The following ZNF215 variants were observed in gnomAD, a reference collection of about 807,000 sequenced individuals.
The protein encoded by ZNF215 is BWSCR2-associated zinc finger protein 2.
In ZNF215, 24 loss-of-function variants were observed where a neutral mutation model predicts 27.2. The observed-to-expected ratio is 0.88, with a 90% CI of 0.64 to 1.24. ZNF215 has a LOEUF of 1.24. Ranked by LOEUF, ZNF215 falls within the 50% of genes most tolerant of loss-of-function variation. The pLI, the probability that ZNF215 is intolerant of heterozygous loss-of-function variation, is 0.00. For missense variants in ZNF215, 675 were observed against 605.7 expected, an observed-to-expected ratio of 1.11 and a Z score of -1.20; for synonymous variants, 210 against 204.0, an observed-to-expected ratio of 1.03 and a Z score of -0.25.
downstream of ZNF215, chr11:6,988,298 G>T (rs1249541567): frequency 1.4e-5 from 14 of 970,546 alleles, no homozygotes; most frequent in Non-Finnish European, 1.3e-5. Flanking sequence ...CCTGACCAAA[G>T]AAATCAATCA....
At chr11:6,982,613 C>T (rs1374505014) in intron 5 of ZNF215, among the ~76,000 whole-genome samples, 5 of 152,134 alleles carry the variant, frequency 3.3e-5, no homozygotes, top group African/African-American at 7.2e-5. Context: ...TCACTCAAAA[C>T]CACTCAACTA....
At chr11:6,988,193 T>C, downstream of ZNF215, 11 of 985,382 alleles carry the variant, frequency 1.1e-5, no homozygotes, top group Non-Finnish European at 1.3e-5. Flanking sequence ...CCATGACTTA[T>C]ACCTTCTTCC....
intron 5 of ZNF215, among the ~76,000 whole-genome samples, chr11:6,965,615 G>A (rs1850602788): frequency 1.3e-5 from 2 of 152,062 alleles, no homozygotes; most frequent in African/African-American, 4.8e-5. Flanking sequence ...TCAGCATACA[G>A]ATCTTACAAA....
At chr11:6,948,857 T>C (rs1301437965) in intron 6 of ZNF215, among the ~76,000 whole-genome samples, 1 of 151,178 alleles carries the variant, frequency 6.6e-6, no homozygotes, top group East Asian at 1.9e-4. Context: ...CATTAACTCG[T>C]CATTTAGCAT....
intron 5 of ZNF215, among the ~76,000 whole-genome samples, chr11:6,963,946 T>C (rs1850565810): frequency 6.6e-6 from 1 of 152,076 alleles, no homozygotes; most frequent in African/African-American, 2.4e-5. Flanking sequence ...CAGAAACAAA[T>C]GCTGTTAATC....
intron 4 of ZNF215, 88 bp from the exon 5 acceptor site, chr11:6,942,995 C>G: frequency 6.5e-7 from 1 of 1,529,106 alleles, no homozygotes; most frequent in Non-Finnish European, 8.8e-7. Context: ...TGTATTCTGG[C>G]TCCTACCCTA....
chr11:6,954,236 C>T (rs577598832), intron 6 of ZNF215, among the ~76,000 whole-genome samples: 11 of 152,264 alleles, frequency 7.2e-5, no homozygotes, highest in Middle Eastern at 3.4e-3. Flanking sequence ...TCTCCAGCTG[C>T]GTGCTGGGAG....
chr11:6,958,010 T>C lies in ZNF215; in HGVS notation c.*1479T>C, dbSNP rs1368482917. 3.0e-6 allele frequency: 3 copies of C among 985,318 alleles called. No individual in the cohort carries two copies. The highest frequency in any genetic ancestry group is 5.2e-4 in the Middle Eastern group (1 of 1,936). The allele number at this position is 985,318 out of a possible 1,614,324, so 61.0% of individuals were successfully genotyped here. A position where few individuals can be genotyped will look rare whatever the true frequency, so the allele number is the denominator to read the frequency against. On this transcript the variant is annotated 3_prime_UTR_variant, in exon 7 of 7. Transcript: ENST00000278319. ...TTATTCAAAGGCAGAAAAGGTATAC[T>C]GGAGTGAACTCCTATGATTAAATAA...
chr11:6,974,195 A>G (rs1490458178), intron 5 of ZNF215, among the ~76,000 whole-genome samples: 3 of 152,124 alleles, frequency 2.0e-5, no homozygotes, highest in African/African-American at 7.2e-5. Flanking sequence ...GTCAAAGATC[A>G]GATGGTTGTA....
Position 6,956,734 on chromosome 11 carries a change from A to T in ZNF215, c.*203A>T. Reference sequence around the variant, plus strand: ...AAGGAATTTTCCTGGTTTTCAGATGAAGCCATAAGGCTTTGGAGTTAAACC... The same window carrying T: ...AAGGAATTTTCCTGGTTTTCAGATGTAGCCATAAGGCTTTGGAGTTAAACC... On this transcript the variant is annotated 3_prime_UTR_variant, in exon 7 of 7. Coordinates refer to ENST00000278319, the MANE Select transcript of ZNF215 (RefSeq NM_013250.4). The T allele has an allele frequency of 7.3e-7, 1 of 1,370,712 alleles. No homozygotes were observed. The highest frequency in any genetic ancestry group is 9.4e-7 in the Non-Finnish European group (1 of 1,068,852). 84.9% of individuals were successfully genotyped at this position (1,370,712 alleles called of 1,614,324 possible). A position where few individuals can be genotyped will look rare whatever the true frequency, so the allele number is the denominator to read the frequency against.
At position 6,955,932 on chromosome 11, in the gene ZNF215, T is replaced by G. The variant is rs768989009; in HGVS notation, c.955T>G (p.Cys319Gly). 6.2e-7 allele frequency: 1 copy of G among 1,612,370 alleles called. No individual in the cohort carries two copies. The highest frequency in any genetic ancestry group is 8.5e-7 in the Non-Finnish European group (1 of 1,179,568). The change falls in exon 7 of 7, where the codon TGT (cysteine) becomes GGT (glycine). Residue 319 changes from cysteine (C) to glycine (G), a missense_variant. By Grantham distance (159) the Cys-to-Gly change is radical (BLOSUM62 -3). Coordinates refer to ENST00000278319, the MANE Select transcript of ZNF215 (RefSeq NM_013250.4). ...SFDINSVSSI[C>G]AIQVGIPSRK... ...TGATATTAATTCAGTTAGCTCAATT[T>G]GTGCTATACAAGTGGGAATTCCTTC... is the stretch of plus-strand genomic sequence containing the variant.
intron 6 of ZNF215, among the ~76,000 whole-genome samples, chr11:6,948,067 C>T (rs1452941633): frequency 6.6e-6 from 1 of 152,136 alleles, no homozygotes; most frequent in African/African-American, 2.4e-5. Flanking sequence ...ATTCTGTTGG[C>T]TTAGCAATCA....
intron 6 of ZNF215, among the ~76,000 whole-genome samples, chr11:6,949,583 GT>G (rs1331829717): frequency 6.7e-6 from 1 of 150,004 alleles, no homozygotes; most frequent in Non-Finnish European, 1.5e-5. Flanking sequence ...GGCGTTGTTT[GT>G]TTTTTTCTTG....
chr11:6,932,400 ACT>A lies in ZNF215; in HGVS notation c.131_132del (p.Ser44Ter). 4 of 1,613,904 alleles carry A rather than the reference ACT, an allele frequency of 2.5e-6. No individual in the cohort carries two copies. The highest frequency in any genetic ancestry group is 3.4e-6 in the Non-Finnish European group (4 of 1,179,988). On this transcript the variant is annotated frameshift_variant, in exon 3 of 7. Transcript: ENST00000278319. LOFTEE classifies it high-confidence loss of function. ...ACCAACCCCGTCGTGGAGACACATGACTCTGAGGCATCTCGTCAAAAGTTCAG... is the reference window on the plus strand; with the variant it reads ...ACCAACCCCGTCGTGGAGACACATGACTGAGGCATCTCGTCAAAAGTTCAG...
At chr11:6,983,211 G>T (rs560323109) in intron 5 of ZNF215, among the ~76,000 whole-genome samples, 1 of 152,288 alleles carries the variant, frequency 6.6e-6, no homozygotes, top group South Asian at 2.1e-4. Flanking sequence ...AAATCAGGAA[G>T]AAGTTGACTC....
intron 3 of ZNF215, among the ~76,000 whole-genome samples, chr11:6,939,091 T>C (rs1221573581): frequency 6.6e-6 from 1 of 152,200 alleles, no homozygotes; most frequent in Non-Finnish European, 1.5e-5. Context: ...GCTATTGATT[T>C]ATCCAATTTT....
At chr11:6,934,285 T>C (rs1224795771) in intron 3 of ZNF215, among the ~76,000 whole-genome samples, 3 of 152,234 alleles carry the variant, frequency 2.0e-5, no homozygotes, top group South Asian at 4.1e-4. Flanking sequence ...AGATGAATTT[T>C]AAAAATAATT....
intron 3 of ZNF215, among the ~76,000 whole-genome samples, chr11:6,938,597 C>T (rs968104971): frequency 4.5e-4 from 56 of 124,770 alleles, no homozygotes; most frequent in African/African-American, 1.8e-3. Flanking sequence ...AGTACTGATA[C>T]ATGTTAAAAA....
At chr11:6,981,965 G>A (rs933369007) in intron 5 of ZNF215, among the ~76,000 whole-genome samples, 20 of 152,054 alleles carry the variant, frequency 1.3e-4, no homozygotes, top group African/African-American at 4.8e-4. Flanking sequence ...TCCATTGATC[G>A]ATATCTCTGG....
Sources: gnomAD v4.1 joint callset for allele counts (sites outside exome capture counted in the v4.1 genomes callset) on GRCh38, gnomAD v4.1.1 for gene constraint, MANE v1.5 for transcripts, NCBI Gene and HGNC (gene_info 2026-07-23, HGNC 2026-07-21) for gene names.